ITGBL1: variants seen among roughly 807,000 people sequenced by gnomAD.
The protein encoded by ITGBL1 is integrin subunit beta like 1.
ITGBL1 carries 51 observed loss-of-function variants against 68.5 expected under a neutral mutation model. The observed-to-expected ratio is 0.74, with a 90% CI of 0.59 to 0.94. ITGBL1 has a LOEUF of 0.94. ITGBL1 is among the 40% of genes least tolerant of loss of function. ITGBL1 has a pLI of 0.00. For missense variants in ITGBL1, 649 were observed against 647.4 expected, an observed-to-expected ratio of 1.00 and a Z score of -0.03; for synonymous variants, 209 against 227.3, an observed-to-expected ratio of 0.92 and a Z score of 0.72.
rs1555361670 is a variant in ITGBL1, at chr13:101,604,887, T to TACACAC, written c.1015+6598_1015+6603dup. Among the ~76,000 whole-genome samples the TACACAC allele has an allele frequency of 9.2e-3, 204 of 22,158 alleles. 11 individuals are homozygous for TACACAC. The highest frequency in any genetic ancestry group is 0.02 in the African/African-American group (134 of 6,628). 14.5% of individuals were successfully genotyped at this position (22,158 alleles called of 152,430 possible). ...ATATATATATATATATATATATATA[T>TACACAC]ACACACACACACACATATATATGTG... On this transcript the variant is annotated intron_variant, in intron 7 of 10. Coordinates refer to ENST00000376180, the MANE Select transcript of ITGBL1 (RefSeq NM_004791.3).
intron 8 of ITGBL1, among the ~76,000 whole-genome samples, chr13:101,694,304 A>T (rs2033952377): frequency 6.6e-6 from 1 of 152,252 alleles, no homozygotes; most frequent in Admixed American, 6.5e-5. Context: ...TTTATTTATC[A>T]TAGCAATATG....
intron 7 of ITGBL1, among the ~76,000 whole-genome samples, chr13:101,679,107 C>T (rs1168539513): frequency 6.6e-6 from 1 of 151,746 alleles, no homozygotes; most frequent in South Asian, 2.1e-4. Flanking sequence ...GCGGTTTCAC[C>T]ATGTTGGCCA....
intron 7 of ITGBL1, among the ~76,000 whole-genome samples, chr13:101,625,057 C>G (rs951205448): frequency 2.0e-5 from 3 of 152,108 alleles, no homozygotes; most frequent in Non-Finnish European, 4.4e-5. Flanking sequence ...GAGGCAAAGA[C>G]AGCATATTTA....
At chr13:101,711,260 T>C (rs1288163162) in intron 9 of ITGBL1, 4 of 152,364 alleles carry the variant, frequency 2.6e-5, no homozygotes, top group African/African-American at 7.2e-5. Flanking sequence ...TTCTTACAGA[T>C]GCTGTTGTGT....
chr13:101,583,428 A>AG, intron 6 of ITGBL1, 72 bp downstream of exon 6: 1 of 1,198,832 alleles, frequency 8.3e-7, no homozygotes, highest in Non-Finnish European at 1.1e-6. Context: ...AAAAAAAAAA[A>AG]AGCAATTAGA....
At chr13:101,658,600 A>G (rs2032997077) in intron 7 of ITGBL1, among the ~76,000 whole-genome samples, 1 of 152,166 alleles carries the variant, frequency 6.6e-6, no homozygotes, top group Non-Finnish European at 1.5e-5. Context: ...TACTTATATT[A>G]AAATTTTGAA....
intron 2 of ITGBL1, among the ~76,000 whole-genome samples, chr13:101,515,713 T>C (rs2049184018): frequency 6.6e-6 from 1 of 152,044 alleles, no homozygotes; most frequent in Admixed American, 6.6e-5. Context: ...ACTGTTGTAA[T>C]TGACAGCGGA....
chr13:101,461,731 G>A (rs1238174797), intron 2 of ITGBL1, among the ~76,000 whole-genome samples: 1 of 152,116 alleles, frequency 6.6e-6, no homozygotes, highest in Non-Finnish European at 1.5e-5. Context: ...GGAGCAGAGA[G>A]CCCCGTTATC....
chr13:101,667,378 A>G (rs2033247166), intron 7 of ITGBL1, among the ~76,000 whole-genome samples: 1 of 152,164 alleles, frequency 6.6e-6, no homozygotes. Flanking sequence ...ATTGTTCTTG[A>G]AACTAAAATA....
chr13:101,711,125 A>G (rs1160221186), intron 9 of ITGBL1: 1 of 152,214 alleles, frequency 6.6e-6, no homozygotes, highest in Non-Finnish European at 1.5e-5. Context: ...CTACCTTTGC[A>G]AAGTACATGA....
chr13:101,482,493 A>G (rs992485042), intron 2 of ITGBL1, among the ~76,000 whole-genome samples: 2 of 152,144 alleles, frequency 1.3e-5, no homozygotes, highest in Non-Finnish European at 2.9e-5. Context: ...AAAGAAACCT[A>G]AGTATTAGTT....
Position 101,656,846 on chromosome 13 carries a change from A to C in ITGBL1, c.1016-35739A>C, listed in dbSNP as rs963622205. Reference sequence around the variant, plus strand: ...TTATTTACTTATTTTTCTTTTTGTCAATAAAATACATCTTAAATATATAGT... The same window carrying C: ...TTATTTACTTATTTTTCTTTTTGTCCATAAAATACATCTTAAATATATAGT... On this transcript the variant is annotated intron_variant, in intron 7 of 10. Transcript: ENST00000376180. 1.6e-4 allele frequency among the ~76,000 whole-genome samples: 25 copies of C among 152,182 alleles called. 1 individual carries two copies. The highest frequency in any genetic ancestry group is 3.4e-3 in the Middle Eastern group (1 of 292).
chr13:101,715,836 C>A lies in ITGBL1; in HGVS notation c.*182C>A. On this transcript the variant is annotated 3_prime_UTR_variant, in exon 11 of 11. Transcript: ENST00000376180. ...GAAATGAGTTATGCAAATTTAGATG[C>A]AAATAACATTAGAAAAAAAAGATTC... is the stretch of plus-strand genomic sequence containing the variant. The A allele has an allele frequency of 2.2e-6, 1 of 464,316 alleles. No homozygotes were observed. The highest frequency in any genetic ancestry group is 3.9e-6 in the Non-Finnish European group (1 of 258,264). 28.8% of individuals were successfully genotyped at this position (464,316 alleles called of 1,614,324 possible).
In ITGBL1 at chr13:101,692,620, C is replaced by G. The variant is rs1220393211; in HGVS notation, c.1051C>G (p.Pro351Ala). Residue 351 changes from proline (P) to alanine (A), a missense_variant, in exon 8 of 11, where the codon CCA (proline) becomes GCA (alanine). Pro to Ala is a conservative substitution (Grantham distance 27). Coordinates refer to ENST00000376180, the MANE Select transcript of ITGBL1 (RefSeq NM_004791.3). ...ATGTGGCAAATGCACCTGCTATCCT[C>G]CAGGAGATCGCCGGGTGTATGGCAA... ...CECGKCTCYP[P>A]GDRRVYGKTC... The G allele has an allele frequency of 1.2e-6, 2 of 1,613,800 alleles. No individual in the cohort carries two copies. Among genetic ancestry groups the G allele is most frequent in the East Asian group, 4.5e-5 (2 of 44,862 alleles).
chr13:101,606,644 A>T (rs2030876573), intron 7 of ITGBL1, among the ~76,000 whole-genome samples: 1 of 151,974 alleles, frequency 6.6e-6, no homozygotes, highest in African/African-American at 2.4e-5. Flanking sequence ...ATCACATCTG[A>T]GCAGAAGCTA....
chr13:101,712,944 T>C (rs1449412589), intron 9 of ITGBL1: 2 of 152,122 alleles, frequency 1.3e-5, no homozygotes, highest in Non-Finnish European at 2.9e-5. Flanking sequence ...GTCAGTCAAT[T>C]ATTAAAACTG....
At chr13:101,585,231 A>G (rs2050531787) in intron 6 of ITGBL1, among the ~76,000 whole-genome samples, 1 of 152,156 alleles carries the variant, frequency 6.6e-6, no homozygotes, top group African/African-American at 2.4e-5. Context: ...ATTTACTGAA[A>G]TAGGGAATAT....
chr13:101,575,575 T>C (rs1045095160), intron 4 of ITGBL1, 29 bp downstream of exon 4: 1 of 1,601,382 alleles, frequency 6.2e-7, no homozygotes, highest in Non-Finnish European at 8.5e-7. Flanking sequence ...TAGAAATTAA[T>C]AAAAGTACCT....
At chr13:101,504,779 T>C (rs1283645426) in intron 2 of ITGBL1, among the ~76,000 whole-genome samples, 1 of 152,230 alleles carries the variant, frequency 6.6e-6, no homozygotes, top group Non-Finnish European at 1.5e-5. Context: ...CTGCTATGAC[T>C]TGCTTTGGTA....
Sources: allele counts gnomAD v4.1 joint callset (sites outside exome capture counted in the v4.1 genomes callset), GRCh38; gene constraint gnomAD v4.1.1; transcripts MANE v1.5; gene names NCBI Gene and HGNC (gene_info 2026-07-23, HGNC 2026-07-21).